Variants in DLGAP2 observed in about 807,000 individuals in gnomAD.
DLGAP2 encodes the protein DLG associated protein 2.
Under a neutral mutation model 100.3 loss-of-function variants are expected in DLGAP2, and 26 were observed. That is an observed-to-expected ratio of 0.26 (90% CI 0.19 to 0.36). DLGAP2 has a LOEUF of 0.36. Among genes scored for constraint, DLGAP2 ranks in the 10% least tolerant of loss-of-function variants. The probability of loss-of-function intolerance (pLI) is 1.00; values close to 1 mark genes in which losing one functional copy is unlikely to be tolerated. For missense variants in DLGAP2, 1,858 were observed against 1,453.2 expected (o/e 1.28, Z -4.53); for synonymous variants, 886 against 630.1 (o/e 1.41, Z -6.08).
At chr8:981,125 C>G (rs1004782395) in intron 2 of DLGAP2, among the ~76,000 whole-genome samples, 1 of 152,114 alleles carries the variant, frequency 6.6e-6, no homozygotes, top group African/African-American at 2.4e-5. Flanking sequence ...GTCTGTCTCT[C>G]GGAATTCCCC....
intron 1 of DLGAP2, among the ~76,000 whole-genome samples, chr8:892,020 C>T (rs369752431): frequency 5.4e-4 from 82 of 152,320 alleles, no homozygotes; most frequent in African/African-American, 1.9e-3. Context: ...CCTTTTGCCC[C>T]TTAGGATGGC....
At chr8:1,106,974 T>C (rs1343600222) in intron 2 of DLGAP2, among the ~76,000 whole-genome samples, 28 of 150,790 alleles carry the variant, frequency 1.9e-4, no homozygotes, top group Non-Finnish European at 4.0e-4. Context: ...GGAAGAGTCT[T>C]GCCAGATAAG....
At chr8:884,693 G>C (rs975761438) in intron 1 of DLGAP2, among the ~76,000 whole-genome samples, 1 of 151,620 alleles carries the variant, frequency 6.6e-6, no homozygotes, top group African/African-American at 2.4e-5. Flanking sequence ...ATTTTTCAAT[G>C]AAGTCTTTGC....
intron 14 of DLGAP2, among the ~76,000 whole-genome samples, chr8:1,700,820 G>A (rs951415743): frequency 6.6e-6 from 1 of 152,336 alleles, no homozygotes; most frequent in Admixed American, 6.5e-5. Flanking sequence ...AAACCCTCGC[G>A]ATGCTCGGAG....
chr8:1,208,175 C>G lies in DLGAP2; in HGVS notation c.74-50676C>G, dbSNP rs553144876. On this transcript the variant is annotated intron_variant, in intron 2 of 14. Transcript: ENST00000637795. ...AGAAGGGTTTTTCCAATGCCATCTT[C>G]TAGAATATTTAGGGTTTCAGGTCTT... Among the ~76,000 whole-genome samples, 6 of 152,296 alleles carry G rather than the reference C, an allele frequency of 3.9e-5. No individual in the cohort carries two copies. In the South Asian group the frequency reaches 1.2e-3, roughly 32 times the overall value.
rs138878934 is a variant in DLGAP2 at position 1,141,523 on chromosome 8, C to T, written c.74-117328C>T. 4.0e-3 allele frequency among the ~76,000 whole-genome samples: 615 copies of T among 152,138 alleles called. 10 individuals carry two copies. Among genetic ancestry groups the T allele is most frequent in the Non-Finnish European group, 2.8e-3 (192 of 67,998 alleles). On this transcript the variant is annotated intron_variant, in intron 2 of 14. Transcript: ENST00000637795. ...TAATCCAGAATGTTGGTGTTGTGGT[C>T]AAATAGGATCTTTCTTATATTATTA...
intron 2 of DLGAP2, among the ~76,000 whole-genome samples, chr8:1,092,554 G>A (rs1036210023): frequency 5.3e-5 from 8 of 152,166 alleles, no homozygotes; most frequent in Admixed American, 2.0e-4. Context: ...GGCTGTGGCC[G>A]GCTCTGTGGC....
intron 1 of DLGAP2, among the ~76,000 whole-genome samples, chr8:851,543 G>C (rs948863226): frequency 6.6e-6 from 1 of 152,158 alleles, no homozygotes; most frequent in African/African-American, 2.4e-5. Flanking sequence ...ATAATTTTTT[G>C]TGTATTTTAT....
At position 1,206,771 on chromosome 8, in the gene DLGAP2, C is replaced by A. The variant is rs564753547; in HGVS notation, c.74-52080C>A. ...CTTCCGGGCCCTGCCTACCTCTCTG[C>A]CATCGCTGCTACCATTCTTTGTCTG... is the stretch of plus-strand genomic sequence containing the variant. On this transcript the variant is annotated intron_variant, in intron 2 of 14. Transcript: ENST00000637795. 5.3e-5 allele frequency among the ~76,000 whole-genome samples: 8 copies of A among 152,320 alleles called. No homozygotes were observed. The South Asian group carries it at 1.7e-3, about 32-fold the overall frequency.
intron 1 of DLGAP2, among the ~76,000 whole-genome samples, chr8:743,181 A>G (rs1820529764): frequency 6.6e-6 from 1 of 152,226 alleles, no homozygotes; most frequent in African/African-American, 2.4e-5. Context: ...TAGAAAATAG[A>G]AATAGAAAAT....
intron 2 of DLGAP2, among the ~76,000 whole-genome samples, chr8:1,193,105 C>T (rs1176971946): frequency 6.6e-6 from 1 of 152,074 alleles, no homozygotes; most frequent in East Asian, 1.9e-4. Flanking sequence ...CAAGTCTTTG[C>T]TATGGTGAAT....
intron 3 of DLGAP2, among the ~76,000 whole-genome samples, chr8:1,478,254 C>T (rs1798990386): frequency 6.6e-6 from 1 of 152,176 alleles, no homozygotes; most frequent in Non-Finnish European, 1.5e-5. Flanking sequence ...TCTGAACTGT[C>T]TGGGGTATGG....
chr8:1,306,345 C>CA (rs978044492), intron 3 of DLGAP2, among the ~76,000 whole-genome samples: 6 of 151,884 alleles, frequency 4.0e-5, no homozygotes, highest in East Asian at 1.9e-4. Flanking sequence ...ATAATCGTGT[C>CA]AAAAAAACCC....
At chr8:1,308,974 T>G (rs1486324843) in intron 3 of DLGAP2, among the ~76,000 whole-genome samples, 1 of 152,106 alleles carries the variant, frequency 6.6e-6, no homozygotes, top group African/African-American at 2.4e-5. Flanking sequence ...AAAAATTTAC[T>G]CTAGAGGTTC....
chr8:1,440,455 G>T (rs1280680075), intron 3 of DLGAP2, among the ~76,000 whole-genome samples: 1 of 152,214 alleles, frequency 6.6e-6, no homozygotes, highest in African/African-American at 2.4e-5. Context: ...GGCCCACCCT[G>T]CCCGAATGCA....
At chr8:1,425,645 C>T (rs557278133) in intron 3 of DLGAP2, among the ~76,000 whole-genome samples, 1 of 152,320 alleles carries the variant, frequency 6.6e-6, no homozygotes, top group East Asian at 1.9e-4. Context: ...AAGCCTAGAG[C>T]TGTCATGTAA....
chr8:1,179,144 G>A (rs374324438), intron 2 of DLGAP2, among the ~76,000 whole-genome samples: 4 of 152,224 alleles, frequency 2.6e-5, no homozygotes, highest in Admixed American at 2.0e-4. Flanking sequence ...GAGTGTTTCA[G>A]GGACTTAATT....
chr8:1,628,523 A>T (rs1797564876), intron 7 of DLGAP2, among the ~76,000 whole-genome samples: 1 of 148,652 alleles, frequency 6.7e-6, no homozygotes, highest in Non-Finnish European at 1.5e-5. Flanking sequence ...TAAGAGCCTG[A>T]GCTGACCTCA....
chr8:1,310,648 TTTTTTTGTTTTTTG>T, intron 3 of DLGAP2, among the ~76,000 whole-genome samples: 1 of 152,282 alleles, frequency 6.6e-6, no homozygotes, highest in East Asian at 1.9e-4. Flanking sequence ...AAGTTGGGTT[TTTTTTTGTTTTTTG>T]TTTTTTGTTT....
Sources: allele counts gnomAD v4.1 joint callset (sites outside exome capture counted in the v4.1 genomes callset), GRCh38; gene constraint gnomAD v4.1.1; transcripts MANE v1.5; gene names NCBI Gene and HGNC (gene_info 2026-07-23, HGNC 2026-07-21).